Variants in FTO observed in about 807,000 individuals in gnomAD.
FTO encodes alpha-ketoglutarate-dependent dioxygenase FTO.
Under a neutral mutation model 63.9 loss-of-function variants are expected in FTO, and 47 were observed. The observed-to-expected ratio is 0.74, with a 90% confidence interval of 0.58 to 0.94. FTO has a LOEUF of 0.94. FTO is among the 40% of genes least tolerant of loss of function. The pLI, the probability that FTO is intolerant of heterozygous loss-of-function variation, is 0.00. For synonymous variants in FTO, 207 were observed against 224.4 expected (o/e 0.92, Z 0.69); for missense variants, 562 against 618.1 (o/e 0.91, Z 0.96).
intron 1 of FTO, among the ~76,000 whole-genome samples, chr16:53,754,937 A>G (rs182781646): frequency 0.035 from 5,364 of 151,846 alleles, 124 homozygotes; most frequent in Non-Finnish European, 0.054. Context: ...TGATAACGGT[A>G]TTAGAGAAGA....
chr16:53,922,975 C>T (rs971950286), intron 7 of FTO: 2 of 152,182 alleles, frequency 1.3e-5, no homozygotes, highest in Non-Finnish European at 1.5e-5. Context: ...ACTAATTATG[C>T]TGTTTCCTGC....
At chr16:53,731,877 A>G (rs1009072186) in intron 1 of FTO, among the ~76,000 whole-genome samples, 2 of 150,508 alleles carry the variant, frequency 1.3e-5, no homozygotes, top group African/African-American at 4.9e-5. Context: ...CCTCCCGAGT[A>G]GCTGGGACTA....
chr16:53,904,592 AT>A (rs1406677520), intron 7 of FTO, among the ~76,000 whole-genome samples: 1 of 152,160 alleles, frequency 6.6e-6, no homozygotes, highest in East Asian at 1.9e-4. Context: ...TCCACACGGG[AT>A]GTAGGTGGCC....
chr16:53,766,273 C>T (rs191638561), intron 1 of FTO, among the ~76,000 whole-genome samples: 10 of 152,132 alleles, frequency 6.6e-5, no homozygotes, highest in Admixed American at 4.6e-4. Context: ...TTGCCCAGGC[C>T]GGAGTGCAGT....
intron 8 of FTO, among the ~76,000 whole-genome samples, chr16:54,046,099 G>A (rs1599265955): frequency 1.1e-5 from 1 of 91,886 alleles, no homozygotes. Flanking sequence ...AGTGTTGGAA[G>A]TTCTGGCCAG....
At chr16:54,050,475 G>T (rs188887561) in intron 8 of FTO, among the ~76,000 whole-genome samples, 7 of 152,226 alleles carry the variant, frequency 4.6e-5, no homozygotes, top group Admixed American at 4.6e-4. Flanking sequence ...AATCCTCTGG[G>T]TGATGGATGA....
intron 7 of FTO, among the ~76,000 whole-genome samples, chr16:53,900,445 CCTCTT>C (rs1301740077): frequency 1.3e-5 from 2 of 151,998 alleles, no homozygotes; most frequent in African/African-American, 2.4e-5. Context: ...AATTCAGAAT[CCTCTT>C]CTCTTGCATT....
rs2086930054 is a variant in FTO at position 54,113,316 on chromosome 16, C to G, written c.*1401C>G. ...CCCCGTCTCCCCAGCCTGTTGCTTT[C>G]TCGTGTAGTTGTTCACAGTAGTTGA... On this transcript the variant is annotated 3_prime_UTR_variant, in exon 9 of 9. Transcript: ENST00000471389. The G allele has an allele frequency of 6.6e-6, 1 of 152,284 alleles. No individual in the cohort carries two copies. The allele number at this position is 152,284 out of a possible 1,614,324, so 9.4% of individuals were successfully genotyped here. A position where few individuals can be genotyped will look rare whatever the true frequency, so the allele number is the denominator to read the frequency against.
chr16:53,839,775 T>TTTATTTATTTA (rs1444826215), intron 3 of FTO, among the ~76,000 whole-genome samples: 5 of 36,952 alleles, frequency 1.4e-4, no homozygotes, highest in Non-Finnish European at 2.4e-4. Context: ...TTTTCTTTTT[T>TTTATTTATTTA]TTTATTTATT....
Position 53,826,345 on chromosome 16 carries a change from C to G in FTO, c.605C>G (p.Thr202Ser). The G allele has an allele frequency of 1.2e-6, 2 of 1,614,182 alleles. No individual in the cohort carries two copies. The highest frequency in any genetic ancestry group is 1.7e-6 in the Non-Finnish European group (2 of 1,180,050). Residue 202 changes from threonine to serine, a missense_variant, in exon 3 of 9, where the codon ACT becomes AGT. Transcript: ENST00000471389. ...DIKSRAAYNV[T>S]LLNFMDPQKM... is the part of the protein sequence containing the mutation. ...AAGAGCAGAGCAGCATACAACGTAACTTTGCTGAATTTCATGGATCCTCAG... is the reference window on the plus strand; with the variant it reads ...AAGAGCAGAGCAGCATACAACGTAAGTTTGCTGAATTTCATGGATCCTCAG...
chr16:54,031,678 GA>G (rs1301643240), intron 8 of FTO, among the ~76,000 whole-genome samples: 1 of 152,164 alleles, frequency 6.6e-6, no homozygotes, highest in Non-Finnish European at 1.5e-5. Flanking sequence ...AGCAATGGGA[GA>G]AGTTACAAAT....
At chr16:53,987,583 A>C (rs2083700526) in intron 8 of FTO, among the ~76,000 whole-genome samples, 1 of 82,770 alleles carries the variant, frequency 1.2e-5, no homozygotes, top group African/African-American at 5.3e-5. Context: ...ACTCTGTCTC[A>C]AAAAAAAAAA....
At chr16:53,880,039 G>C (rs763381184) in intron 6 of FTO, 52 bp downstream of exon 6, 9 of 1,395,460 alleles carry the variant, frequency 6.4e-6, no homozygotes, top group Non-Finnish European at 9.0e-6. Context: ...CTGTCACCCA[G>C]GCTGGAGTGC....
intron 8 of FTO, among the ~76,000 whole-genome samples, chr16:53,968,765 A>G (rs1249367060): frequency 2.6e-5 from 4 of 152,226 alleles, no homozygotes; most frequent in African/African-American, 9.6e-5. Flanking sequence ...CTATCCTTTT[A>G]CCAAGTAAAC....
intron 4 of FTO, among the ~76,000 whole-genome samples, chr16:53,857,262 G>C (rs1256872191): frequency 6.6e-6 from 1 of 152,046 alleles, no homozygotes; most frequent in Non-Finnish European, 1.5e-5. Context: ...GTGGGCCCTA[G>C]TGTCTGTTGT....
chr16:53,748,138 G>A (rs940589456), intron 1 of FTO, among the ~76,000 whole-genome samples: 1 of 151,920 alleles, frequency 6.6e-6, no homozygotes, highest in African/African-American at 2.4e-5. Flanking sequence ...GATATTCAGG[G>A]TTTTTTCTTG....
chr16:54,052,261 A>G (rs546534129), intron 8 of FTO, among the ~76,000 whole-genome samples: 2 of 152,318 alleles, frequency 1.3e-5, no homozygotes, highest in Non-Finnish European at 2.9e-5. Context: ...GTCCACCACT[A>G]TCAGACATCT....
intron 7 of FTO, among the ~76,000 whole-genome samples, chr16:53,918,201 G>A (rs1478512083): frequency 6.6e-5 from 10 of 152,048 alleles, no homozygotes; most frequent in Non-Finnish European, 8.8e-5. Context: ...GATATTTTCC[G>A]GGAAATGTCT....
intron 7 of FTO, among the ~76,000 whole-genome samples, chr16:53,896,728 C>T (rs963742876): frequency 2.0e-5 from 3 of 152,124 alleles, no homozygotes; most frequent in East Asian, 3.9e-4. Flanking sequence ...ACTTCGAGGC[C>T]GGTTGACCGA....
Sources: gnomAD v4.1 joint callset for allele counts (sites outside exome capture counted in the v4.1 genomes callset) on GRCh38, gnomAD v4.1.1 for gene constraint, MANE v1.5 for transcripts, NCBI Gene and HGNC (gene_info 2026-07-23, HGNC 2026-07-21) for gene names.